NAA16: variants seen among roughly 807,000 people sequenced by gnomAD.
NAA16 encodes NARG1-like protein.
In NAA16, 97 loss-of-function variants were observed where a neutral mutation model predicts 110.3. That is an observed-to-expected ratio of 0.88 (90% CI 0.75 to 1.04). NAA16 has a LOEUF of 1.04. NAA16 is among the 50% of genes least tolerant of loss of function. The pLI is 0.00. For synonymous variants in NAA16, 372 were observed against 330.6 expected, an observed-to-expected ratio of 1.13 and a Z score of -1.36; for missense variants, 1,017 against 1,005.1, an observed-to-expected ratio of 1.01 and a Z score of -0.16.
At chr13:41,360,833 TTC>T (rs895283988) in intron 12 of NAA16, among the ~76,000 whole-genome samples, 2 of 152,186 alleles carry the variant, frequency 1.3e-5, no homozygotes, top group African/African-American at 4.8e-5. Flanking sequence ...TGTTGGATAG[TTC>T]TAGTTGATAA....
chr13:41,337,324 G>C (rs1199620054), intron 9 of NAA16, among the ~76,000 whole-genome samples: 1 of 151,990 alleles, frequency 6.6e-6, no homozygotes, highest in East Asian at 1.9e-4. Flanking sequence ...TAGGCAGATC[G>C]CGAGGTCAGG....
intron 9 of NAA16, among the ~76,000 whole-genome samples, chr13:41,337,914 A>C (rs2042425254): frequency 6.6e-6 from 1 of 150,936 alleles, no homozygotes; most frequent in Non-Finnish European, 1.5e-5. Context: ...GAAACAACTG[A>C]TGATATCTAG....
chr13:41,329,506 A>AT (rs35949933), intron 7 of NAA16, among the ~76,000 whole-genome samples: 1,806 of 138,734 alleles, frequency 0.013, 37 homozygotes, highest in African/African-American at 0.041. Context: ...AAACAGCAGA[A>AT]TTTTTTTTTT....
chr13:41,329,808 A>G (rs975387879), intron 7 of NAA16, among the ~76,000 whole-genome samples: 2 of 152,034 alleles, frequency 1.3e-5, no homozygotes, highest in Admixed American at 1.3e-4. Flanking sequence ...AACTAGTAAC[A>G]TTACGATTTA....
intron 13 of NAA16, 21 bp downstream of exon 13, chr13:41,362,180 C>A: frequency 6.3e-7 from 1 of 1,583,704 alleles, no homozygotes; most frequent in Non-Finnish European, 8.6e-7. Flanking sequence ...AGAATTTCGA[C>A]TTCAGTTTTC....
In NAA16 at chr13:41,318,921, G is replaced by A; in HGVS notation, c.244+11G>A. The stretch of plus-strand genomic sequence containing the variant: ...TCAAGAGTCATGTCTGTATCCTTTT[G>A]CAGTAGTTAAATAGTTTATGTTTTA... On this transcript the variant is annotated intron_variant, in intron 3 of 19. Coordinates refer to ENST00000379406, the MANE Select transcript of NAA16 (RefSeq NM_024561.5). 1 of 1,492,988 alleles carries A rather than the reference G, an allele frequency of 6.7e-7. No individual in the cohort carries two copies. The highest frequency in any genetic ancestry group is 1.4e-5 in the African/African-American group (1 of 70,832). The allele number at this position is 1,492,988 out of a possible 1,614,324, so 92.5% of individuals were successfully genotyped here. A position where few individuals can be genotyped will look rare whatever the true frequency, so the allele number is the denominator to read the frequency against.
At chr13:41,334,677 GTGAC>G (rs940198459) in intron 8 of NAA16, among the ~76,000 whole-genome samples, 1 of 152,168 alleles carries the variant, frequency 6.6e-6, no homozygotes, top group Non-Finnish European at 1.5e-5. Flanking sequence ...GATATGGTAT[GTGAC>G]TGAGCAGTTG....
At chr13:41,330,176 AG>A (rs1346664376) in intron 7 of NAA16, among the ~76,000 whole-genome samples, 1 of 151,818 alleles carries the variant, frequency 6.6e-6, no homozygotes, top group African/African-American at 2.4e-5. Flanking sequence ...ACAGAGAGCG[AG>A]GTTTTTTTTT....
intron 9 of NAA16, among the ~76,000 whole-genome samples, chr13:41,350,773 A>G (rs1023791524): frequency 3.3e-5 from 5 of 151,814 alleles, no homozygotes; most frequent in African/African-American, 1.2e-4. Context: ...GGCACGGGCC[A>G]CTACACCCAG....
In NAA16 at chr13:41,311,479, C is replaced by CCCGGGCACCTAGCCTCCCTG. The variant is rs1405133824; in HGVS notation, c.-45_-26dup. 1.9e-6 allele frequency: 3 copies of CCCGGGCACCTAGCCTCCCTG among 1,551,154 alleles called. No homozygotes were observed. Among genetic ancestry groups the CCCGGGCACCTAGCCTCCCTG allele is most frequent in the South Asian group, 1.2e-5 (1 of 84,758 alleles). ...GTGCCCACCCCCGCGAAGCGGAGCGCCCGGGCACCTAGCCTCCCTGCCGGC... is the reference window on the plus strand; with the variant it reads ...GTGCCCACCCCCGCGAAGCGGAGCGCCCGGGCACCTAGCCTCCCTGCCGGGCACCTAGCCTCCCTGCCGGC... On this transcript the variant is annotated 5_prime_UTR_variant, in exon 1 of 20. Coordinates refer to ENST00000379406, the MANE Select transcript of NAA16 (RefSeq NM_024561.5).
intron 8 of NAA16, among the ~76,000 whole-genome samples, chr13:41,335,935 G>A (rs1329267874): frequency 2.0e-5 from 3 of 150,586 alleles, no homozygotes; most frequent in Non-Finnish European, 4.4e-5. Flanking sequence ...AAAAATTCTT[G>A]TATCTTTGTA....
intron 9 of NAA16, among the ~76,000 whole-genome samples, chr13:41,350,586 G>A (rs1296284406): frequency 6.8e-6 from 1 of 147,658 alleles, no homozygotes; most frequent in East Asian, 2.0e-4. Flanking sequence ...TTGAGCCACC[G>A]CGCCCTGCCA....
Position 41,367,421 on chromosome 13 carries a change from G to C in NAA16, c.1540-18G>C, listed in dbSNP as rs2043227727. The C allele has an allele frequency of 6.5e-7, 1 of 1,537,440 alleles. No homozygotes were observed. Among genetic ancestry groups the C allele is most frequent in the Non-Finnish European group, 8.9e-7 (1 of 1,121,028 alleles). On this transcript the variant is annotated intron_variant, in intron 13 of 19. Coordinates refer to ENST00000379406, the MANE Select transcript of NAA16 (RefSeq NM_024561.5). ...TGACATAAATGTAAAGGTTAATTTTGTGATTTTTGTTTTTAAGCATTTTTT... is the reference window on the plus strand; with the variant it reads ...TGACATAAATGTAAAGGTTAATTTTCTGATTTTTGTTTTTAAGCATTTTTT...
intron 5 of NAA16, among the ~76,000 whole-genome samples, chr13:41,323,516 A>G (rs1298509664): frequency 6.7e-6 from 1 of 150,178 alleles, no homozygotes; most frequent in Admixed American, 6.6e-5. Context: ...ACGCCCGGCT[A>G]ATTTTTTCTA....
intron 13 of NAA16, chr13:41,363,023 C>G: frequency 1.9e-6 from 1 of 520,950 alleles, no homozygotes; most frequent in Non-Finnish European, 2.6e-6. Flanking sequence ...TAGAAATAAC[C>G]TAATTTTTGC....
chr13:41,337,002 T>A (rs2042398469), intron 9 of NAA16, among the ~76,000 whole-genome samples: 1 of 152,204 alleles, frequency 6.6e-6, no homozygotes, highest in Admixed American at 6.5e-5. Context: ...AGTAGGATTT[T>A]AAATTTGACA....
At chr13:41,374,961 A>G (rs2139523724) in intron 19 of NAA16, 122 bp downstream of exon 19, 1 of 637,980 alleles carries the variant, frequency 1.6e-6, no homozygotes, top group African/African-American at 1.8e-5. Flanking sequence ...AGCTCTATCA[A>G]TTATGAGATG....
intron 15 of NAA16, 138 bp downstream of exon 15, chr13:41,369,421 T>C (rs2043272341): frequency 1.1e-6 from 1 of 906,108 alleles, no homozygotes; most frequent in African/African-American, 1.7e-5. Flanking sequence ...CCGTCAATTA[T>C]CTTTGAGTGA....
At chr13:41,328,220 G>T (rs1006402736) in intron 6 of NAA16, among the ~76,000 whole-genome samples, 2 of 152,094 alleles carry the variant, frequency 1.3e-5, no homozygotes, top group African/African-American at 4.8e-5. Flanking sequence ...AACATGGCTT[G>T]TGTGGTTTCC....
Sources: gnomAD v4.1 joint callset for allele counts (sites outside exome capture counted in the v4.1 genomes callset) on GRCh38, gnomAD v4.1.1 for gene constraint, MANE v1.5 for transcripts, NCBI Gene and HGNC (gene_info 2026-07-23, HGNC 2026-07-21) for gene names.